The following TNR variants were observed in gnomAD, a reference collection of about 807,000 sequenced individuals.
The protein encoded by TNR is tenascin R.
Under a neutral mutation model 150.4 loss-of-function variants are expected in TNR, and 45 were observed. The ratio of observed to expected loss-of-function variants is 0.30; its 90% CI spans 0.24 to 0.38. The LOEUF (loss-of-function observed/expected upper bound fraction) is 0.38, where lower values mean the gene tolerates loss of function less well. Among genes scored for constraint, TNR ranks in the 10% least tolerant of loss-of-function variants. TNR has a pLI of 1.00. For missense variants in TNR, 1,544 were observed against 1,759.1 expected, an observed-to-expected ratio of 0.88 and a Z score of 2.19; for synonymous variants, 687 against 678.4, an observed-to-expected ratio of 1.01 and a Z score of -0.20.
chr1:175,528,018 G>A (rs1266177421), intron 2 of TNR, among the ~76,000 whole-genome samples: 5 of 152,144 alleles, frequency 3.3e-5, no homozygotes, highest in African/African-American at 4.8e-5. Context: ...ATTACCAACC[G>A]CATCATGAAA....
intron 2 of TNR, among the ~76,000 whole-genome samples, chr1:175,472,857 GC>G (rs932929809): frequency 3.3e-5 from 5 of 152,146 alleles, no homozygotes; most frequent in African/African-American, 4.8e-5. Flanking sequence ...CCTCACACCT[GC>G]CCTTCCAGAC....
At chr1:175,659,897 ATTTTT>A (rs34472359) in intron 1 of TNR, among the ~76,000 whole-genome samples, 3 of 111,810 alleles carry the variant, frequency 2.7e-5, no homozygotes, top group African/African-American at 3.4e-5. Context: ...TTTGGGTGTC[ATTTTT>A]TTTTTTTTTT....
intron 3 of TNR, among the ~76,000 whole-genome samples, chr1:175,405,279 C>G (rs115137094): frequency 1.9e-4 from 29 of 152,324 alleles, no homozygotes; most frequent in African/African-American, 6.5e-4. Flanking sequence ...AGGCTGACAT[C>G]TGAATAGGTG....
chr1:175,497,455 T>C (rs959904208), intron 2 of TNR, among the ~76,000 whole-genome samples: 1 of 152,214 alleles, frequency 6.6e-6, no homozygotes, highest in Non-Finnish European at 1.5e-5. Context: ...GGAACAACAA[T>C]TGCTTCCAAT....
At chr1:175,475,619 G>C (rs1386356262) in intron 2 of TNR, among the ~76,000 whole-genome samples, 1 of 152,182 alleles carries the variant, frequency 6.6e-6, no homozygotes, top group East Asian at 1.9e-4. Context: ...TGCACCTGCT[G>C]GACCCTGTAT....
chr1:175,591,447 C>A (rs896011300), intron 1 of TNR, among the ~76,000 whole-genome samples: 1 of 152,216 alleles, frequency 6.6e-6, no homozygotes, highest in African/African-American at 2.4e-5. Flanking sequence ...AGACTCCCAG[C>A]CATGGCTCCT....
At chr1:175,739,860 C>G (rs955673679) in intron 1 of TNR, among the ~76,000 whole-genome samples, 4 of 152,152 alleles carry the variant, frequency 2.6e-5, no homozygotes, top group Admixed American at 6.5e-5. Context: ...TCTCCTGGAG[C>G]CCAGATGGGG....
chr1:175,624,586 G>A (rs2101867613), intron 1 of TNR, among the ~76,000 whole-genome samples: 1 of 152,268 alleles, frequency 6.6e-6, no homozygotes, highest in African/African-American at 2.4e-5. Context: ...CCAGAAGCTG[G>A]GACGAGGTGA....
intron 1 of TNR, among the ~76,000 whole-genome samples, chr1:175,662,972 G>A (rs1449778437): frequency 6.6e-6 from 1 of 152,204 alleles, no homozygotes; most frequent in Non-Finnish European, 1.5e-5. Flanking sequence ...ATTTTTCTGT[G>A]AAATGGGTTT....
intron 1 of TNR, among the ~76,000 whole-genome samples, chr1:175,650,030 A>G (rs1415269469): frequency 6.6e-6 from 1 of 152,232 alleles, no homozygotes; most frequent in Non-Finnish European, 1.5e-5. Flanking sequence ...CATGCAGGCA[A>G]GAAGAAATCC....
chr1:175,702,464 C>T (rs1333541917), intron 1 of TNR, among the ~76,000 whole-genome samples: 1 of 152,188 alleles, frequency 6.6e-6, no homozygotes, highest in Non-Finnish European at 1.5e-5. Flanking sequence ...GAAAGGCATC[C>T]TTGGCAGGTG....
At chr1:175,443,093 A>G (rs913586969) in intron 2 of TNR, among the ~76,000 whole-genome samples, 5 of 152,236 alleles carry the variant, frequency 3.3e-5, no homozygotes, top group African/African-American at 1.2e-4. Flanking sequence ...ATAATATTAC[A>G]TACATTAATA....
chr1:175,594,857 T>TAAAA (rs1174868287), intron 1 of TNR, among the ~76,000 whole-genome samples: 2,168 of 102,934 alleles, frequency 0.021, 73 homozygotes, highest in African/African-American at 0.066. Context: ...ACCTTGTTTC[T>TAAAA]AAAAAAAAAA....
chr1:175,424,289 G>A (rs1412718099), intron 2 of TNR, among the ~76,000 whole-genome samples: 1 of 152,206 alleles, frequency 6.6e-6, no homozygotes, highest in African/African-American at 2.4e-5. Context: ...TGGAAGCCGG[G>A]CTGCATTGTC....
At chr1:175,367,629 G>A (rs1467951617) in intron 9 of TNR, among the ~76,000 whole-genome samples, 1 of 152,138 alleles carries the variant, frequency 6.6e-6, no homozygotes, top group African/African-American at 2.4e-5. Flanking sequence ...GCTTGAACCA[G>A]CGAGAGGATT....
intron 1 of TNR, among the ~76,000 whole-genome samples, chr1:175,620,239 C>A (rs1663925566): frequency 6.6e-6 from 1 of 152,176 alleles, no homozygotes; most frequent in South Asian, 2.1e-4. Flanking sequence ...GAGCTCAGAG[C>A]AATGAGTGTG....
chr1:175,357,439 T>A (rs900095104), intron 15 of TNR, among the ~76,000 whole-genome samples: 2 of 152,214 alleles, frequency 1.3e-5, no homozygotes, highest in Non-Finnish European at 2.9e-5. Context: ...TCTAAAGGCA[T>A]ACAAACAAGT....
intron 1 of TNR, among the ~76,000 whole-genome samples, chr1:175,629,668 G>A (rs1033984122): frequency 6.6e-6 from 1 of 152,138 alleles, no homozygotes; most frequent in Non-Finnish European, 1.5e-5. Flanking sequence ...CTCAGAGTCA[G>A]TACTGAGAGA....
intron 1 of TNR, among the ~76,000 whole-genome samples, chr1:175,667,672 A>G (rs1665571336): frequency 6.6e-6 from 1 of 152,178 alleles, no homozygotes; most frequent in Non-Finnish European, 1.5e-5. Flanking sequence ...GGAGCAGCTG[A>G]TGTGTGGGAT....
Sources: gnomAD v4.1 joint callset for allele counts (sites outside exome capture counted in the v4.1 genomes callset) on GRCh38, gnomAD v4.1.1 for gene constraint, MANE v1.5 for transcripts, NCBI Gene and HGNC (gene_info 2026-07-23, HGNC 2026-07-21) for gene names.